UBE2V2: variants seen among roughly 807,000 people sequenced by gnomAD.
UBE2V2 encodes ubiquitin-conjugating enzyme E2 variant 2.
Under a neutral mutation model 17.2 loss-of-function variants are expected in UBE2V2, and 9 were observed. That is an observed-to-expected ratio of 0.52 (90% CI 0.32 to 0.91). The LOEUF is 0.91. UBE2V2 is among the 40% of genes least tolerant of loss of function. The pLI is 0.04. For missense variants in UBE2V2, 133 were observed against 182.6 expected, an observed-to-expected ratio of 0.73 and a Z score of 1.56; for synonymous variants, 61 against 57.5, an observed-to-expected ratio of 1.06 and a Z score of -0.28.
intron 1 of UBE2V2, among the ~76,000 whole-genome samples, chr8:48,036,238 A>T: frequency 6.6e-6 from 1 of 151,384 alleles, no homozygotes; most frequent in East Asian, 1.9e-4. Flanking sequence ...TACAGGTGTG[A>T]GCCACCACAC....
At chr8:48,014,933 C>T (rs915772938) in intron 1 of UBE2V2, among the ~76,000 whole-genome samples, 6 of 151,124 alleles carry the variant, frequency 4.0e-5, no homozygotes, top group African/African-American at 1.5e-4. Flanking sequence ...ACCTGTAGTC[C>T]TGGCTACTGG....
chr8:48,058,239 C>T lies in UBE2V2; in HGVS notation c.292-2443C>T, dbSNP rs545040602. ...ATCCCAGCACTTTGGGAGGCTGAGG[C>T]GGGTGGATCATGAGGTCAGGAGTTC... is the stretch of plus-strand genomic sequence containing the variant. On this transcript the variant is annotated intron_variant, in intron 3 of 3. Coordinates refer to ENST00000523111, the MANE Select transcript of UBE2V2 (RefSeq NM_003350.3). Among the ~76,000 whole-genome samples, 20 of 151,786 alleles carry T rather than the reference C, an allele frequency of 1.3e-4. No individual in the cohort carries two copies. In the South Asian group the frequency reaches 3.5e-3, roughly 27 times the overall value.
upstream of UBE2V2, among the ~76,000 whole-genome samples, chr8:48,004,235 G>T (rs748978410): frequency 7.2e-5 from 11 of 152,056 alleles, no homozygotes; most frequent in Non-Finnish European, 1.5e-4. Flanking sequence ...TAATAAATGT[G>T]GTGTTTAAGA....
At chr8:48,016,781 C>CTTTT (rs554494819) in intron 1 of UBE2V2, among the ~76,000 whole-genome samples, 1 of 128,478 alleles carries the variant, frequency 7.8e-6, no homozygotes. Context: ...CGTGCCCAGC[C>CTTTT]TTTTTTTTTT....
intron 1 of UBE2V2, among the ~76,000 whole-genome samples, chr8:48,035,616 A>G (rs1304041678): frequency 1.0e-3 from 39 of 37,836 alleles, no homozygotes; most frequent in Admixed American, 3.1e-3. Flanking sequence ...TTTAAAAATT[A>G]TTGTTTTTTT....
chr8:48,030,638 T>C (rs1245250152), intron 1 of UBE2V2, among the ~76,000 whole-genome samples: 1 of 152,162 alleles, frequency 6.6e-6, no homozygotes, highest in African/African-American at 2.4e-5. Context: ...GGAGAATTGC[T>C]TAAGCCTGGG....
intron 3 of UBE2V2, 35 bp downstream of exon 3, chr8:48,050,013 A>C (rs778235198): frequency 7.2e-7 from 1 of 1,398,054 alleles, no homozygotes. Context: ...TTTATATAAC[A>C]TAATGTATAG....
chr8:48,008,360 G>T, upstream of UBE2V2: 2 of 1,444,052 alleles, frequency 1.4e-6, no homozygotes, highest in Middle Eastern at 2.1e-4. Context: ...CGGGGGCGGA[G>T]TCCGCTGTGA....
At chr8:48,011,550 T>C (rs1297816910) in intron 1 of UBE2V2, among the ~76,000 whole-genome samples, 1 of 152,214 alleles carries the variant, frequency 6.6e-6, no homozygotes, top group African/African-American at 2.4e-5. Flanking sequence ...AGAAAAACCC[T>C]GACAAATATG....
At chr8:48,034,951 G>T in intron 1 of UBE2V2, 1 of 921,266 alleles carries the variant, frequency 1.1e-6, no homozygotes, top group Middle Eastern at 5.5e-4. Context: ...GCCTCTCCAG[G>T]TGGCCAGTTA....
intron 1 of UBE2V2, among the ~76,000 whole-genome samples, chr8:48,032,059 T>C (rs958487006): frequency 2.0e-5 from 3 of 152,328 alleles, no homozygotes; most frequent in Non-Finnish European, 4.4e-5. Flanking sequence ...TTTAAAATTA[T>C]GGTATCATGT....
chr8:48,064,439 G>A lies in UBE2V2; in HGVS notation c.*3611G>A, dbSNP rs1802634453. On this transcript the variant is annotated 3_prime_UTR_variant, in exon 4 of 4. Transcript: ENST00000523111. ...TGAATTGTTGATAGGAACATTAGCA[G>A]TTAATTTTTACCTGATACTGAGTTT... 1 of 152,122 alleles carries A rather than the reference G, an allele frequency of 6.6e-6. No homozygotes were observed. 9.4% of individuals were successfully genotyped at this position (152,122 alleles called of 1,614,324 possible).
At chr8:48,007,006 G>C (rs979281754), upstream of UBE2V2, among the ~76,000 whole-genome samples, 6 of 151,120 alleles carry the variant, frequency 4.0e-5, no homozygotes, top group African/African-American at 2.4e-5. Flanking sequence ...TCAGCCTCCC[G>C]AGTAGCTGGG....
At chr8:48,052,196 CAT>C (rs760654436) in intron 3 of UBE2V2, among the ~76,000 whole-genome samples, 43 of 152,274 alleles carry the variant, frequency 2.8e-4, no homozygotes, top group Middle Eastern at 6.8e-3. Context: ...GATTATAAAG[CAT>C]ATGAGTACAC....
At chr8:48,028,343 T>C (rs969344916) in intron 1 of UBE2V2, among the ~76,000 whole-genome samples, 44 of 150,278 alleles carry the variant, frequency 2.9e-4, no homozygotes, top group African/African-American at 1.0e-3. Flanking sequence ...GTTTTCTTTT[T>C]TTTTTTTTTT....
Position 48,012,206 on chromosome 8 carries a change from A to G in UBE2V2, c.16+3736A>G, listed in dbSNP as rs184727781. Among the ~76,000 whole-genome samples, 3 of 152,266 alleles carry G rather than the reference A, an allele frequency of 2.0e-5. No homozygotes were observed. The East Asian group carries it at 5.8e-4, about 29-fold the overall frequency. ...CCCTTCTTAGCACAATCCTTGTTTC[A>G]GACTCTTAGATCCTTCTTATGGATG... On this transcript the variant is annotated intron_variant, in intron 1 of 3. Transcript: ENST00000523111.
In UBE2V2 at chr8:48,039,333, C is replaced by G. The variant is rs527398598; in HGVS notation, c.17-3700C>G. ...TCTAATCTCAGCAGTGAATGAACTTCCAATATCTACACGTTTGCCCAGATC... is the reference window on the plus strand; with the variant it reads ...TCTAATCTCAGCAGTGAATGAACTTGCAATATCTACACGTTTGCCCAGATC... On this transcript the variant is annotated intron_variant, in intron 1 of 3. Transcript: ENST00000523111. Among the ~76,000 whole-genome samples the G allele has an allele frequency of 7.9e-4, 120 of 152,276 alleles. 2 individuals are homozygous for G. In the South Asian group the frequency reaches 0.023, roughly 29 times the overall value.
chr8:48,049,312 A>G lies in UBE2V2; in HGVS notation c.166-541A>G, dbSNP rs559833939. On this transcript the variant is annotated intron_variant, in intron 2 of 3. Coordinates refer to ENST00000523111, the MANE Select transcript of UBE2V2 (RefSeq NM_003350.3). ...CTTTTGCTAGAAGTTATTGATTGCCATATTTAGTAGGATAATCATATAATT... is the reference window on the plus strand; with the variant it reads ...CTTTTGCTAGAAGTTATTGATTGCCGTATTTAGTAGGATAATCATATAATT... Among the ~76,000 whole-genome samples, 5 of 152,272 alleles carry G rather than the reference A, an allele frequency of 3.3e-5. No homozygotes were observed. In the South Asian group the frequency reaches 8.3e-4, roughly 25 times the overall value.
At chr8:48,058,558 C>T (rs1003739898) in intron 3 of UBE2V2, among the ~76,000 whole-genome samples, 70 of 138,146 alleles carry the variant, frequency 5.1e-4, no homozygotes, top group African/African-American at 1.8e-3. Flanking sequence ...GCCTGGGCAA[C>T]GAGTGAGACC....
Sources: gnomAD v4.1 joint callset for allele counts (sites outside exome capture counted in the v4.1 genomes callset) on GRCh38, gnomAD v4.1.1 for gene constraint, MANE v1.5 for transcripts, NCBI Gene and HGNC (gene_info 2026-07-23, HGNC 2026-07-21) for gene names.